ADSS2: variants seen among roughly 807,000 people sequenced by gnomAD.
ADSS2 encodes adenylosuccinate synthase 2, also known as adenylosuccinate synthetase isozyme 2.
In ADSS2, 30 loss-of-function variants were observed where a neutral mutation model predicts 60.0. The ratio of observed to expected loss-of-function variants is 0.50; its 90% CI spans 0.37 to 0.68. The LOEUF (loss-of-function observed/expected upper bound fraction) is 0.68. ADSS2 is among the 30% of genes least tolerant of loss of function. The pLI, the probability that ADSS2 is intolerant of heterozygous loss-of-function variation, is 0.00. For synonymous variants in ADSS2, 187 were observed against 193.1 expected (o/e 0.97, Z 0.26); for missense variants, 373 against 554.8 (o/e 0.67, Z 3.29).
chr1:244,418,135 T>C (rs1409251764), intron 9 of ADSS2, among the ~76,000 whole-genome samples: 3 of 152,192 alleles, frequency 2.0e-5, no homozygotes, highest in Non-Finnish European at 4.4e-5. Context: ...GATATCATAA[T>C]GCCCTTCTGA....
Position 244,411,360 on chromosome 1 carries a change from T to C in ADSS2, c.1245A>G (p.Ala415=). ...LPGWNTDISN[A]RAFKELPVNA... ...TAACAGGTAGTTCTTTAAACGCCCT[T>C]GCATTTGATATGTCTGTGTTCCATC... The change falls in exon 12 of 13, where the codon GCA becomes GCG. Residue 415 remains alanine, a synonymous_variant. Transcript: ENST00000366535. 4 of 1,613,954 alleles carry C rather than the reference T, an allele frequency of 2.5e-6. No homozygotes were observed. The highest frequency in any genetic ancestry group is 2.2e-5 in the South Asian group (2 of 91,036).
intron 1 of ADSS2, among the ~76,000 whole-genome samples, chr1:244,447,075 C>T (rs1351590144): frequency 6.6e-6 from 1 of 151,964 alleles, no homozygotes; most frequent in Non-Finnish European, 1.5e-5. Context: ...ACAGGAACTC[C>T]CCTTCATTTA....
intron 6 of ADSS2, 34 bp downstream of exon 6, chr1:244,423,919 T>G (rs1238061467): frequency 6.5e-7 from 1 of 1,544,490 alleles, no homozygotes; most frequent in Non-Finnish European, 8.9e-7. Context: ...AAAAATGCAT[T>G]CATTCCTTCC....
rs944410800 is a variant in ADSS2 at position 244,408,637 on chromosome 1, T to G, written c.*949A>C. The G allele has an allele frequency of 9.8e-5, 15 of 152,486 alleles. No individual in the cohort carries two copies. Among genetic ancestry groups the G allele is most frequent in the African/African-American group, 3.6e-4 (15 of 41,376 alleles). 9.4% of individuals were successfully genotyped at this position (152,486 alleles called of 1,614,324 possible). On this transcript the variant is annotated 3_prime_UTR_variant, in exon 13 of 13. Coordinates refer to ENST00000366535, the MANE Select transcript of ADSS2 (RefSeq NM_001126.5). The stretch of plus-strand genomic sequence containing the variant: ...TGCCTAATTGTCAAAATAACACCTT[T>G]TTTTTTTCAAGAAAGGAGAAATAAA...
In ADSS2 at chr1:244,451,745, G is replaced by A. The variant is rs1665619051; in HGVS notation, c.73C>T (p.Pro25Ser). ...ACCACCGTCACCCGGTTTCCTCCGGGCCGCGCCCTGGGGCGGCCGCAATCG... is the reference window on the plus strand; with the variant it reads ...ACCACCGTCACCCGGTTTCCTCCGGACCGCGCCCTGGGGCGGCCGCAATCG... ...NGDCGRPRAR[P>S]GGNRVTVVLG... Residue 25 changes from proline (P) to serine (S), a missense_variant, in exon 1 of 13, where the codon CCC becomes TCC. Transcript: ENST00000366535. This position sits in a 1 kb window ranked among gnomAD's most constrained non-coding sequence, Gnocchi z 6.6. The A allele has an allele frequency of 6.2e-7, 1 of 1,604,290 alleles. No homozygotes were observed. Among genetic ancestry groups the A allele is most frequent in the Non-Finnish European group, 8.5e-7 (1 of 1,175,950 alleles).
intron 4 of ADSS2, among the ~76,000 whole-genome samples, chr1:244,430,711 T>C (rs1558274893): frequency 6.6e-6 from 1 of 152,150 alleles, no homozygotes; most frequent in Non-Finnish European, 1.5e-5. Context: ...AAGATGACTA[T>C]TGGTAACAGA....
At chr1:244,437,046 G>A (rs1236093239) in intron 2 of ADSS2, among the ~76,000 whole-genome samples, 153 bp from the exon 3 acceptor site, 3 of 152,112 alleles carry the variant, frequency 2.0e-5, no homozygotes, top group African/African-American at 2.4e-5. Flanking sequence ...ACATAATATA[G>A]TGAATATAAA....
intron 1 of ADSS2, among the ~76,000 whole-genome samples, chr1:244,450,899 T>C (rs925199416): frequency 6.6e-6 from 1 of 152,226 alleles, no homozygotes; most frequent in African/African-American, 2.4e-5. Flanking sequence ...ATGTATTTAC[T>C]TCCCTCACTT....
chr1:244,419,963 T>C (rs974618070), intron 8 of ADSS2, among the ~76,000 whole-genome samples: 1 of 152,222 alleles, frequency 6.6e-6, no homozygotes, highest in African/African-American at 2.4e-5. Flanking sequence ...TTTATTTTTC[T>C]AATAAAATAG....
rs764624949 is a variant in ADSS2, at chr1:244,417,727, C to G, written c.971G>C (p.Arg324Thr). 18 of 1,613,610 alleles carry G rather than the reference C, an allele frequency of 1.1e-5. No individual in the cohort carries two copies. The highest frequency in any genetic ancestry group is 1.5e-5 in the Non-Finnish European group (18 of 1,179,734). Residue 324 changes from arginine (R) to threonine (T), a missense_variant, in exon 10 of 13, where the codon AGG (arginine) becomes ACG (threonine). Around this residue, in one of 5 missense-constraint regions of ADSS2, gnomAD observed 130 missense variants for 169.4 expected, o/e 0.77. Coordinates refer to ENST00000366535, the MANE Select transcript of ADSS2 (RefSeq NM_001126.5). ...DNEIGELLQT[R>T]GREFGVTTGR... ...AGTAGTTACACCAAACTCTCTACCC[C>G]TTGTTTGTAATAATTCTCCAATTTC...
At chr1:244,447,273 C>T (rs1665417207) in intron 1 of ADSS2, among the ~76,000 whole-genome samples, 1 of 152,154 alleles carries the variant, frequency 6.6e-6, no homozygotes, top group Admixed American at 6.6e-5. Flanking sequence ...AGAAAGAAAG[C>T]TATTAAGTAA....
chr1:244,434,660 G>C (rs1233182832), intron 3 of ADSS2, among the ~76,000 whole-genome samples: 2 of 152,070 alleles, frequency 1.3e-5, no homozygotes, highest in African/African-American at 4.8e-5. Context: ...ATAGGACCAA[G>C]AAATTCAGTA....
At chr1:244,412,730 T>C (rs1414394924) in intron 11 of ADSS2, among the ~76,000 whole-genome samples, 1 of 152,226 alleles carries the variant, frequency 6.6e-6, no homozygotes, top group African/African-American at 2.4e-5. Context: ...AAGTTTGCTA[T>C]GGCAAAGTCA....
Position 244,416,051 on chromosome 1 carries a change from CA to C in ADSS2, c.1097del (p.Leu366TrpfsTer15). 1 of 1,613,638 alleles carries C rather than the reference CA, an allele frequency of 6.2e-7. No homozygotes were observed. Among genetic ancestry groups the C allele is most frequent in the Non-Finnish European group, 8.5e-7 (1 of 1,179,838 alleles). ...CAACTTTGATTTCCGTAAACATGTC[CA>C]AAATATCCAACTTGGTAAGTGCCAA... ...TALALTKLDI[L>X]DMFTEIKVGV... On this transcript the variant is annotated frameshift_variant, in exon 11 of 13. Transcript: ENST00000366535. LOFTEE classifies it high-confidence loss of function.
intron 4 of ADSS2, among the ~76,000 whole-genome samples, chr1:244,431,007 TACTC>T (rs1222608129): frequency 2.0e-5 from 3 of 151,930 alleles, no homozygotes; most frequent in Admixed American, 1.3e-4. Context: ...TAATCCCAGA[TACTC>T]AGGAGGCTGA....
At chr1:244,410,466 T>C (rs928548991) in intron 12 of ADSS2, among the ~76,000 whole-genome samples, 1 of 151,888 alleles carries the variant, frequency 6.6e-6, no homozygotes, top group African/African-American at 2.4e-5. Context: ...CATCTTATAT[T>C]TGTTCTTTAA....
chr1:244,451,182 C>G lies in ADSS2; in HGVS notation c.183+453G>C, dbSNP rs957725471. Among the ~76,000 whole-genome samples, 1 of 152,166 alleles carries G rather than the reference C, an allele frequency of 6.6e-6. No individual in the cohort carries two copies. The highest frequency in any genetic ancestry group is 2.1e-4 in the South Asian group (1 of 4,834). On this transcript the variant is annotated intron_variant, in intron 1 of 12. Coordinates refer to ENST00000366535, the MANE Select transcript of ADSS2 (RefSeq NM_001126.5). This position sits in a 1 kb window ranked among gnomAD's most constrained non-coding sequence, Gnocchi z 6.6. ...GAAACAATCCACTCCCACTCCGCCG[C>G]CCTGGGCGGGGCGGGGGGGCGGTGA...
At chr1:244,444,875 C>G (rs1340091610) in intron 1 of ADSS2, among the ~76,000 whole-genome samples, 1 of 152,116 alleles carries the variant, frequency 6.6e-6, no homozygotes, top group African/African-American at 2.4e-5. Flanking sequence ...CTTCCTCATA[C>G]CTTATTTTCC....
intron 2 of ADSS2, among the ~76,000 whole-genome samples, chr1:244,437,205 C>T (rs1461289660): frequency 6.6e-6 from 1 of 151,764 alleles, no homozygotes; most frequent in Non-Finnish European, 1.5e-5. Context: ...GGAATCACAC[C>T]CTATTAGTGG....
Sources: allele counts gnomAD v4.1 joint callset (sites outside exome capture counted in the v4.1 genomes callset), GRCh38; gene constraint gnomAD v4.1.1; regional missense constraint gnomAD v4.1.1; non-coding constraint Gnocchi (gnomAD v3.1); transcripts MANE v1.5; gene names NCBI Gene and HGNC (gene_info 2026-07-23, HGNC 2026-07-21).